SMYD2: variants seen among roughly 807,000 people sequenced by gnomAD.
The protein encoded by SMYD2 is SET and MYND domain containing 2, also known as N-lysine methyltransferase SMYD2.
Under a neutral mutation model 59.1 loss-of-function variants are expected in SMYD2, and 53 were observed. That is an observed-to-expected ratio of 0.90 (90% confidence interval 0.72 to 1.13). The LOEUF (loss-of-function observed/expected upper bound fraction) is 1.13, where lower values mean the gene tolerates loss of function less well. Ranked by LOEUF, SMYD2 falls within the 50% of genes most tolerant of loss-of-function variation. The pLI, the probability that SMYD2 is intolerant of heterozygous loss-of-function variation, is 0.00. For synonymous variants in SMYD2, 208 were observed against 198.8 expected (o/e 1.05, Z -0.39); for missense variants, 494 against 544.7 (o/e 0.91, Z 0.93).
At chr1:214,316,514 G>A (rs1460181247) in intron 3 of SMYD2, among the ~76,000 whole-genome samples, 2 of 151,266 alleles carry the variant, frequency 1.3e-5, no homozygotes, top group African/African-American at 4.9e-5. Flanking sequence ...AAAACAAACT[G>A]AAATTTCATC....
chr1:214,293,160 C>A (rs1014528613), intron 1 of SMYD2, among the ~76,000 whole-genome samples: 1 of 152,054 alleles, frequency 6.6e-6, no homozygotes, highest in Non-Finnish European at 1.5e-5. Context: ...CCAAGCGATT[C>A]TCCCGCTTCA....
intron 1 of SMYD2, among the ~76,000 whole-genome samples, chr1:214,283,876 A>G (rs911755327): frequency 6.6e-6 from 1 of 152,206 alleles, no homozygotes; most frequent in African/African-American, 2.4e-5. Flanking sequence ...TGTCATACTA[A>G]TTGTATCAGG....
rs780140828 is a variant in SMYD2, at chr1:214,327,644, T to C, written c.625T>C (p.Cys209Arg). 1 of 1,614,208 alleles carries C rather than the reference T, an allele frequency of 6.2e-7. No individual in the cohort carries two copies. Among genetic ancestry groups the C allele is most frequent in the South Asian group, 1.1e-5 (1 of 91,086 alleles). Residue 209 changes from cysteine (C) to arginine (R), a missense_variant, in exon 7 of 12, where the codon TGT becomes CGT. Physicochemically the swap from Cys to Arg is radical, Grantham distance 180. Coordinates refer to ENST00000366957, the MANE Select transcript of SMYD2 (RefSeq NM_020197.3). ...FPDVALMNHS[C>R]CPNVIVTYKG... ...CAGTGTTGCATTGATGAATCATAGC[T>C]GTTGCCCCAATGTCATTGTGACCTA...
chr1:214,314,677 AG>A (rs1657051935), intron 2 of SMYD2, 84 bp from the exon 3 acceptor site: 3 of 944,100 alleles, frequency 3.2e-6, no homozygotes, highest in African/African-American at 1.6e-5. Flanking sequence ...GACCTTAACT[AG>A]GGGGACTCAC....
rs765020826 is a variant in SMYD2 at position 214,327,608 on chromosome 1, C to T, written c.603-14C>T. 5.6e-6 allele frequency: 9 copies of T among 1,612,112 alleles called. No homozygotes were observed. The highest frequency in any genetic ancestry group is 6.8e-6 in the Non-Finnish European group (8 of 1,178,348). On this transcript the variant is annotated splice_polypyrimidine_tract_variant and intron_variant, in intron 6 of 11. Transcript: ENST00000366957. The stretch of plus-strand genomic sequence containing the variant: ...TCTCATTTTAAAAACTGGGTTTTCT[C>T]TTCTGACTGACAGTGTTGCATTGAT...
chr1:214,305,089 C>T (rs1302340895), intron 1 of SMYD2, 98 bp from the exon 2 acceptor site: 4 of 1,151,380 alleles, frequency 3.5e-6, no homozygotes, highest in Admixed American at 1.7e-5. Context: ...AACCTTGGCT[C>T]TGCTTTCCAA....
intron 1 of SMYD2, among the ~76,000 whole-genome samples, chr1:214,300,706 G>A (rs899667803): frequency 6.6e-6 from 1 of 152,190 alleles, no homozygotes; most frequent in Non-Finnish European, 1.5e-5. Context: ...GCTTCGGCGT[G>A]ATGGAAACAA....
At chr1:214,288,457 G>T (rs564142727) in intron 1 of SMYD2, among the ~76,000 whole-genome samples, 2 of 152,200 alleles carry the variant, frequency 1.3e-5, no homozygotes, top group African/African-American at 4.8e-5. Flanking sequence ...TGATCTTCCT[G>T]TGCCCCCCTT....
chr1:214,310,224 T>G (rs1656977842), intron 2 of SMYD2, among the ~76,000 whole-genome samples: 1 of 152,250 alleles, frequency 6.6e-6, no homozygotes, highest in African/African-American at 2.4e-5. Flanking sequence ...TTATGCATCT[T>G]TAAGCATTTT....
chr1:214,305,531 C>T (rs530932302), intron 2 of SMYD2, among the ~76,000 whole-genome samples: 5 of 152,320 alleles, frequency 3.3e-5, no homozygotes, highest in South Asian at 2.1e-4. Context: ...CAGCCACAGA[C>T]GGAAAATGCA....
chr1:214,292,781 A>G (rs1041135081), intron 1 of SMYD2, among the ~76,000 whole-genome samples: 1 of 152,074 alleles, frequency 6.6e-6, no homozygotes, highest in African/African-American at 2.4e-5. Flanking sequence ...CCCTCACTGC[A>G]TTTTGACTTA....
At chr1:214,328,628 A>G (rs1208269030) in intron 7 of SMYD2, among the ~76,000 whole-genome samples, 2 of 152,228 alleles carry the variant, frequency 1.3e-5, no homozygotes, top group African/African-American at 2.4e-5. Flanking sequence ...TTTACGGTGC[A>G]TGCCTGGGTA....
chr1:214,323,721 G>A (rs564637504), intron 5 of SMYD2, among the ~76,000 whole-genome samples: 11 of 152,214 alleles, frequency 7.2e-5, no homozygotes, highest in African/African-American at 2.2e-4. Context: ...GATTACAGGC[G>A]TGAGCCAGCG....
At chr1:214,315,188 C>G (rs1657064688) in intron 3 of SMYD2, among the ~76,000 whole-genome samples, 1 of 152,118 alleles carries the variant, frequency 6.6e-6, no homozygotes, top group South Asian at 2.1e-4. Flanking sequence ...TTAGAGCTTC[C>G]TAGGGAACCA....
chr1:214,298,350 T>C (rs1208415572), intron 1 of SMYD2, among the ~76,000 whole-genome samples: 1 of 152,202 alleles, frequency 6.6e-6, no homozygotes, highest in Non-Finnish European at 1.5e-5. Context: ...TGGCTAGCCA[T>C]ATGCAGAAGA....
intron 1 of SMYD2, among the ~76,000 whole-genome samples, chr1:214,294,664 C>T (rs1307374147): frequency 1.3e-5 from 2 of 152,316 alleles, no homozygotes; most frequent in Non-Finnish European, 2.9e-5. Context: ...GAGCAAGACC[C>T]TCTCTCAAAC....
chr1:214,294,208 A>G (rs981577435), intron 1 of SMYD2, among the ~76,000 whole-genome samples: 2 of 152,220 alleles, frequency 1.3e-5, no homozygotes, highest in East Asian at 1.9e-4. Context: ...AATCTGTTCA[A>G]ACGGTATCCG....
intron 8 of SMYD2, 23 bp from the exon 9 acceptor site, chr1:214,330,927 G>T (rs924646649): frequency 6.2e-7 from 1 of 1,613,558 alleles, no homozygotes; most frequent in Non-Finnish European, 8.5e-7. Flanking sequence ...GTAACGCCTT[G>T]CCCTTGTGGA....
chr1:214,295,677 G>A (rs921939757), intron 1 of SMYD2, among the ~76,000 whole-genome samples: 1 of 152,186 alleles, frequency 6.6e-6, no homozygotes, highest in Non-Finnish European at 1.5e-5. Flanking sequence ...CACAGCCCTG[G>A]GAAGAAGCCC....
Sources: gnomAD v4.1 joint callset for allele counts (sites outside exome capture counted in the v4.1 genomes callset) on GRCh38, gnomAD v4.1.1 for gene constraint, MANE v1.5 for transcripts, NCBI Gene and HGNC (gene_info 2026-07-23, HGNC 2026-07-21) for gene names.